Variants in TENM3 observed in about 807,000 individuals in gnomAD.
The protein encoded by TENM3 is teneurin-3.
Under a neutral mutation model 255.1 loss-of-function variants are expected in TENM3, and 63 were observed. The observed-to-expected ratio is 0.25, with a 90% CI of 0.20 to 0.30. The LOEUF is 0.30. TENM3 is among the 10% of genes least tolerant of loss of function. TENM3 has a pLI of 1.00. For missense variants in TENM3, 2,929 were observed against 3,461.1 expected (o/e 0.85, Z 3.86); for synonymous variants, 1,306 against 1,322.3 (o/e 0.99, Z 0.27).
At chr4:182,796,901 C>A (rs1400605531) in intron 27 of TENM3, 134 bp downstream of exon 27, 1 of 598,812 alleles carries the variant, frequency 1.7e-6, no homozygotes, top group South Asian at 3.5e-5. Flanking sequence ...GGAAAAAAAA[C>A]AACACTTCCT....
the TENM3 span, among the ~76,000 whole-genome samples, chr4:181,661,257 G>T: frequency 7.9e-5 from 12 of 152,226 alleles, no homozygotes; most frequent in African/African-American, 2.9e-4. Flanking sequence ...ATGCTCACGA[G>T]CTGACTATTT....
chr4:182,611,602 T>G (rs948363502), intron 4 of TENM3, among the ~76,000 whole-genome samples: 1 of 152,136 alleles, frequency 6.6e-6, no homozygotes, highest in Non-Finnish European at 1.5e-5. Flanking sequence ...AAAATATGAG[T>G]TAGCAGACCT....
intron 6 of TENM3, among the ~76,000 whole-genome samples, chr4:182,660,602 A>G (rs1754147759): frequency 6.6e-6 from 1 of 152,216 alleles, no homozygotes; most frequent in South Asian, 2.1e-4. Context: ...TTAAGAAGAC[A>G]CTTCTGCAAA....
intron 13 of TENM3, among the ~76,000 whole-genome samples, chr4:182,723,797 T>C (rs1759940708): frequency 6.6e-6 from 1 of 152,232 alleles, no homozygotes; most frequent in Admixed American, 6.5e-5. Context: ...ATTTTCTTAA[T>C]AGTTTTATTG....
chr4:182,372,355 T>C (rs575755170), intron 3 of TENM3, among the ~76,000 whole-genome samples: 5 of 151,222 alleles, frequency 3.3e-5, no homozygotes, highest in African/African-American at 1.2e-4. Flanking sequence ...ATAGTTTGCA[T>C]GTTTTCCGTA....
At chr4:182,653,718 C>A (rs1048995922) in intron 5 of TENM3, 53 bp from the exon 6 acceptor site, 1 of 1,528,222 alleles carries the variant, frequency 6.5e-7, no homozygotes, top group Non-Finnish European at 8.8e-7. Flanking sequence ...TAGCAATTGC[C>A]GTTGTAGCTG....
the TENM3 span, among the ~76,000 whole-genome samples, chr4:181,700,782 G>A: frequency 4.6e-5 from 7 of 152,176 alleles, no homozygotes; most frequent in African/African-American, 1.7e-4. Context: ...GGGGAATAAA[G>A]AAGAAAGGTA....
chr4:181,583,026 A>G, the TENM3 span, among the ~76,000 whole-genome samples: 1 of 152,360 alleles, frequency 6.6e-6, no homozygotes, highest in Middle Eastern at 3.4e-3. Context: ...GTGCATGCAC[A>G]CACACACATC....
At chr4:181,932,844 A>T in the TENM3 span, among the ~76,000 whole-genome samples, 1 of 152,230 alleles carries the variant, frequency 6.6e-6, no homozygotes, top group Non-Finnish European at 1.5e-5. Flanking sequence ...ATAAAAAAGA[A>T]TGAGATCATG....
chr4:182,694,400 C>T (rs1757232623), intron 12 of TENM3, among the ~76,000 whole-genome samples: 1 of 152,070 alleles, frequency 6.6e-6, no homozygotes, highest in Non-Finnish European at 1.5e-5. Context: ...AAGCATGAGC[C>T]ACCGCACCCA....
chr4:182,175,314 AATAT>A (rs35451760), intron 1 of TENM3, among the ~76,000 whole-genome samples: 4 of 117,578 alleles, frequency 3.4e-5, no homozygotes, highest in African/African-American at 1.3e-4. Flanking sequence ...AAAAAAAAAA[AATAT>A]ATATATATAT....
chr4:182,138,771 A>T, the TENM3 span, among the ~76,000 whole-genome samples: 1 of 152,352 alleles, frequency 6.6e-6, no homozygotes, highest in Non-Finnish European at 1.5e-5. Flanking sequence ...GAAAAAGAGA[A>T]AACCAAAATT....
chr4:182,440,596 G>C (rs1580547792), intron 3 of TENM3, among the ~76,000 whole-genome samples: 1 of 152,178 alleles, frequency 6.6e-6, no homozygotes, highest in South Asian at 2.1e-4. Flanking sequence ...TACAGAGGAA[G>C]TTCAGAGAAG....
Position 182,801,175 on chromosome 4 carries a change from T to C in TENM3, c.*824T>C, listed in dbSNP as rs1766932475. On this transcript the variant is annotated 3_prime_UTR_variant, in exon 28 of 28. Coordinates refer to ENST00000511685, the MANE Select transcript of TENM3 (RefSeq NM_001080477.4). ...GGATTGCACCTTTTGTTATCTGTTA[T>C]AGCTGTACAGTATGAATTATTATAT... 1 of 152,656 alleles carries C rather than the reference T, an allele frequency of 6.6e-6. No homozygotes were observed. The highest frequency in any genetic ancestry group is 1.5e-5 in the Non-Finnish European group (1 of 68,048). The allele number at this position is 152,656 out of a possible 1,614,324, so 9.5% of individuals were successfully genotyped here.
chr4:181,863,734 TTA>T, the TENM3 span, among the ~76,000 whole-genome samples: 1 of 152,072 alleles, frequency 6.6e-6, no homozygotes, highest in African/African-American at 2.4e-5. Flanking sequence ...TTCCATCTCT[TTA>T]TGGAAGTTAG....
chr4:181,629,145 T>G, the TENM3 span, among the ~76,000 whole-genome samples: 2 of 152,208 alleles, frequency 1.3e-5, no homozygotes, highest in East Asian at 3.9e-4. Context: ...TTGTCTGTTA[T>G]TTGTGTATAG....
intron 1 of TENM3, among the ~76,000 whole-genome samples, chr4:182,277,722 G>A (rs763033168): frequency 6.6e-6 from 1 of 152,116 alleles, no homozygotes; most frequent in African/African-American, 2.4e-5. Context: ...ACTACTGAAG[G>A]CAAAACTGCT....
chr4:181,673,547 G>T, the TENM3 span, among the ~76,000 whole-genome samples: 88 of 152,098 alleles, frequency 5.8e-4, no homozygotes, highest in African/African-American at 1.9e-3. Context: ...CAGAGCTCAG[G>T]GGAGAGAGCA....
the TENM3 span, among the ~76,000 whole-genome samples, chr4:181,644,366 C>T: frequency 1.6e-4 from 25 of 151,836 alleles, 1 homozygote; most frequent in East Asian, 4.5e-3. Context: ...GCAGGAGATA[C>T]TCAGTGGGCC....
Sources: allele counts gnomAD v4.1 joint callset (sites outside exome capture counted in the v4.1 genomes callset), GRCh38; gene constraint gnomAD v4.1.1; transcripts MANE v1.5; gene names NCBI Gene and HGNC (gene_info 2026-07-23, HGNC 2026-07-21).